The following PRR5 variants were observed in gnomAD, a reference collection of about 807,000 sequenced individuals.
The protein encoded by PRR5 is proline rich 5.
PRR5 carries 25 observed loss-of-function variants against 30.6 expected under a neutral mutation model. The observed-to-expected ratio is 0.82, with a 90% CI of 0.60 to 1.14. The LOEUF (loss-of-function observed/expected upper bound fraction) is 1.14. Among genes scored for constraint, PRR5 ranks in the 50% most tolerant of loss-of-function variants. PRR5 has a pLI of 0.00. For missense variants in PRR5, 600 were observed against 547.1 expected (o/e 1.10, Z -0.96); for synonymous variants, 286 against 247.1 (o/e 1.16, Z -1.48).
upstream of PRR5, among the ~76,000 whole-genome samples, chr22:44,699,120 C>A (rs1436595255): frequency 6.6e-6 from 1 of 152,174 alleles, no homozygotes. Context: ...TTTTAAAGAT[C>A]TCTTTAAAAT....
upstream of PRR5, among the ~76,000 whole-genome samples, chr22:44,673,502 G>T (rs1353293256): frequency 1.3e-5 from 2 of 152,126 alleles, no homozygotes; most frequent in African/African-American, 4.8e-5. Flanking sequence ...AGACCAGGAG[G>T]GTAGGATAGA....
chr22:44,702,878 G>A (rs2147007843), intron 1 of PRR5, among the ~76,000 whole-genome samples: 1 of 152,344 alleles, frequency 6.6e-6, no homozygotes, highest in Admixed American at 6.5e-5. Flanking sequence ...GGCGGGGTGG[G>A]CCGGGAAGCC....
upstream of PRR5, among the ~76,000 whole-genome samples, chr22:44,672,562 C>A (rs369093813): frequency 9.9e-5 from 15 of 152,236 alleles, no homozygotes; most frequent in Middle Eastern, 3.4e-3. Flanking sequence ...CCAGCCTGGG[C>A]AAGACAGAGC....
At chr22:44,701,071 G>A (rs1926232177), upstream of PRR5, among the ~76,000 whole-genome samples, 1 of 152,112 alleles carries the variant, frequency 6.6e-6, no homozygotes, top group South Asian at 2.1e-4. Flanking sequence ...TAATAGAGAT[G>A]GGGTTTCTCC....
At chr22:44,703,723 G>A (rs949749003) in intron 1 of PRR5, among the ~76,000 whole-genome samples, 4 of 152,150 alleles carry the variant, frequency 2.6e-5, no homozygotes, top group African/African-American at 9.7e-5. Flanking sequence ...AGTGTCTTAA[G>A]AGCTGTGTTC....
chr22:44,726,537 T>G (rs1920954050), intron 3 of PRR5, 40 bp from the exon 4 acceptor site: 1 of 1,613,500 alleles, frequency 6.2e-7, no homozygotes, highest in Non-Finnish European at 8.5e-7. Flanking sequence ...CCCCCGGGCA[T>G]CCACAAGGGC....
At chr22:44,730,737 A>C in intron 4 of PRR5, 1 of 913,166 alleles carries the variant, frequency 1.1e-6, no homozygotes, top group Non-Finnish European at 1.4e-6. Flanking sequence ...TCTTCCTTCG[A>C]CGTGGTGCTG....
intron 1 of PRR5, among the ~76,000 whole-genome samples, chr22:44,709,952 G>A (rs1291885869): frequency 1.3e-5 from 2 of 152,254 alleles, no homozygotes; most frequent in African/African-American, 4.8e-5. Context: ...TGTTATGGCC[G>A]CCACGGAAAC....
At chr22:44,669,438 A>G (rs1160590388) in intron 1 of PRR5, among the ~76,000 whole-genome samples, 10 of 152,190 alleles carry the variant, frequency 6.6e-5, no homozygotes, top group Admixed American at 6.5e-4. Context: ...ACCCCGGGAC[A>G]GAGACTCCAG....
At chr22:44,687,330 A>G (rs951869394) in intron 1 of PRR5, among the ~76,000 whole-genome samples, 3 of 140,920 alleles carry the variant, frequency 2.1e-5, no homozygotes, top group Non-Finnish European at 4.5e-5. Flanking sequence ...ATGATAAATT[A>G]TTGTTAATGA....
chr22:44,668,752 G>GCTCCGT (rs1923232607), exon 1 of PRR5: 2 of 148,196 alleles, frequency 1.3e-5, no homozygotes, highest in African/African-American at 4.9e-5. Context: ...TCCGGCTCCG[G>GCTCCGT]CTCCGGCTCT....
chr22:44,730,874 G>T, intron 4 of PRR5: 1 of 448,462 alleles, frequency 2.2e-6, no homozygotes, highest in Non-Finnish European at 4.6e-6. Flanking sequence ...TCTGCTTGGT[G>T]GGGGGTCGAT....
chr22:44,702,721 C>T (rs1007232962), intron 1 of PRR5, 113 bp downstream of exon 1: 2 of 1,214,730 alleles, frequency 1.6e-6, no homozygotes, highest in Admixed American at 4.3e-5. Context: ...GAAGGCGGCG[C>T]GGCGCTTCAC....
At chr22:44,708,408 C>T (rs1927573866) in intron 1 of PRR5, among the ~76,000 whole-genome samples, 1 of 152,052 alleles carries the variant, frequency 6.6e-6, no homozygotes, top group African/African-American at 2.4e-5. Context: ...TAGCTAGGGT[C>T]AGAGCACAAA....
At chr22:44,687,169 C>T (rs1924819381) in intron 1 of PRR5, among the ~76,000 whole-genome samples, 1 of 152,182 alleles carries the variant, frequency 6.6e-6, no homozygotes, top group Non-Finnish European at 1.5e-5. Flanking sequence ...ATATAGAACA[C>T]TTGTACATAC....
Position 44,726,617 on chromosome 22 carries a change from A to C in PRR5, c.305A>C (p.Lys102Thr). The C allele has an allele frequency of 6.2e-7, 1 of 1,614,102 alleles. No individual in the cohort carries two copies. The highest frequency in any genetic ancestry group is 8.5e-7 in the Non-Finnish European group (1 of 1,180,028). ...LTKGMVILRD[K>T]IRFYEGQKLL... Reference sequence around the variant, plus strand: ...AAAGGCATGGTGATCCTTCGGGACAAGATTCGCTTCTATGAGGGTGAGTGT... The same window carrying C: ...AAAGGCATGGTGATCCTTCGGGACACGATTCGCTTCTATGAGGGTGAGTGT... The change falls in exon 4 of 8, where the codon AAG (lysine) becomes ACG (threonine). Residue 102 changes from lysine to threonine, a missense_variant. Coordinates refer to ENST00000336985, the MANE Select transcript of PRR5 (RefSeq NM_181333.4).
intron 4 of PRR5, among the ~76,000 whole-genome samples, chr22:44,728,350 G>C (rs1229807929): frequency 6.6e-6 from 1 of 152,220 alleles, no homozygotes; most frequent in African/African-American, 2.4e-5. Flanking sequence ...AACAGGCTCT[G>C]TCCACTTGAG....
intron 4 of PRR5, chr22:44,729,529 TC>T (rs1921527518): frequency 1.0e-6 from 1 of 985,400 alleles, no homozygotes. Context: ...CAGTGCTGTT[TC>T]ATCTCAGCTT....
upstream of PRR5, among the ~76,000 whole-genome samples, chr22:44,672,168 C>T (rs1923464051): frequency 6.6e-6 from 1 of 152,184 alleles, no homozygotes; most frequent in Admixed American, 6.5e-5. Context: ...TCAACTGATG[C>T]CTGTGCCCTT....
Sources: allele counts gnomAD v4.1 joint callset (sites outside exome capture counted in the v4.1 genomes callset), GRCh38; gene constraint gnomAD v4.1.1; transcripts MANE v1.5; gene names NCBI Gene and HGNC (gene_info 2026-07-23, HGNC 2026-07-21).